The following CCP110 variants were observed in gnomAD, a reference collection of about 807,000 sequenced individuals.
CCP110 encodes centriolar coiled-coil protein 110.
A neutral mutation model predicts 105.5 loss-of-function variants in CCP110; 43 were observed. The observed-to-expected ratio is 0.41, with a 90% CI of 0.32 to 0.53. The LOEUF is 0.53. Ranked by LOEUF, CCP110 falls within the 20% of genes least tolerant of loss-of-function variation. The pLI is 0.32. For synonymous variants in CCP110, 353 were observed against 392.1 expected (o/e 0.90, Z 1.18); for missense variants, 1,016 against 1,189.1 (o/e 0.85, Z 2.14).
At chr16:19,544,354 T>C (rs953804071) in intron 8 of CCP110, among the ~76,000 whole-genome samples, 1 of 152,202 alleles carries the variant, frequency 6.6e-6, no homozygotes, top group African/African-American at 2.4e-5. Context: ...AATAGTTTTA[T>C]TTATGTTCTT....
intron 2 of CCP110, 137 bp downstream of exon 2, chr16:19,528,159 A>AT: frequency 1.0e-5 from 7 of 687,640 alleles, no homozygotes; most frequent in Non-Finnish European, 1.6e-5. Context: ...ATGAATTAGC[A>AT]TTTTTTACTT....
In CCP110 at chr16:19,545,809, T is replaced by C. The variant is rs1447201240; in HGVS notation, c.2704-8T>C. The C allele has an allele frequency of 1.3e-6, 2 of 1,552,182 alleles. No individual in the cohort carries two copies. The highest frequency in any genetic ancestry group is 1.8e-6 in the Non-Finnish European group (2 of 1,125,216). On this transcript the variant is annotated splice_region_variant and splice_polypyrimidine_tract_variant and intron_variant, in intron 10 of 14. Transcript: ENST00000381396. ...AGTAGAGTTTGACGTTACTTTTGTA[T>C]ATTAAAGGATAAAATGAAAAGTCCA...
At chr16:19,546,331 C>A in intron 11 of CCP110, 81 bp from the exon 12 acceptor site, 1 of 798,066 alleles carries the variant, frequency 1.3e-6, no homozygotes, top group East Asian at 2.5e-5. Context: ...TGATTTGTTT[C>A]TGTCATCCTG....
intron 3 of CCP110, among the ~76,000 whole-genome samples, chr16:19,533,837 T>C (rs540256006): frequency 6.6e-6 from 1 of 152,310 alleles, no homozygotes; most frequent in Admixed American, 6.5e-5. Flanking sequence ...GCCTTCTATT[T>C]TGCAGCTATC....
At chr16:19,536,660 C>T (rs1241985570) in exon 4 of CCP110, 3 of 1,614,150 alleles carry the variant, frequency 1.9e-6, no homozygotes, top group Non-Finnish European at 2.5e-6. Flanking sequence ...ACGAACTGGC[C>T]ATCCCACTGT....
chr16:19,545,233 A>G, intron 10 of CCP110, 23 bp downstream of exon 10: 2 of 1,365,620 alleles, frequency 1.5e-6, no homozygotes, highest in South Asian at 2.4e-5. Flanking sequence ...ATTTCTAATG[A>G]ATAGAGTTCT....
chr16:19,537,576 C>T (rs1404540801), exon 4 of CCP110: 31 of 1,558,246 alleles, frequency 2.0e-5, no homozygotes, highest in Non-Finnish European at 2.3e-5. Context: ...ATGTTAGGAA[C>T]TAGTTCCAAA....
rs1970627315 is a variant in CCP110, at chr16:19,551,186, C to CT, written c.2987-9dup. On this transcript the variant is annotated splice_polypyrimidine_tract_variant and intron_variant, in intron 14 of 14. Transcript: ENST00000381396. The stretch of plus-strand genomic sequence containing the variant: ...ATTGAGAAGTAATACTGGTTTTGCT[C>CT]TATTTTTAGGAGTATATGCAGGAAA... 1.9e-6 allele frequency: 3 copies of CT among 1,591,116 alleles called. No individual in the cohort carries two copies. Among genetic ancestry groups the CT allele is most frequent in the African/African-American group, 2.7e-5 (2 of 74,610 alleles).
intron 12 of CCP110, 94 bp from the exon 13 acceptor site, chr16:19,547,861 T>C: frequency 1.1e-6 from 1 of 871,264 alleles, no homozygotes; most frequent in Non-Finnish European, 2.0e-6. Context: ...AGTTGACCTT[T>C]ACCTTACAGT....
At chr16:19,540,853 G>T in intron 5 of CCP110, 66 bp downstream of exon 5, 2 of 1,490,286 alleles carry the variant, frequency 1.3e-6, no homozygotes, top group South Asian at 1.2e-5. Context: ...ATGAATTTTG[G>T]TCATGTATAG....
intron 3 of CCP110, among the ~76,000 whole-genome samples, chr16:19,533,775 A>G (rs1380669014): frequency 6.6e-6 from 1 of 152,168 alleles, no homozygotes; most frequent in African/African-American, 2.4e-5. Context: ...GGGGCCTACG[A>G]GGAATTTCCT....
intron 1 of CCP110, 32 bp downstream of exon 1, chr16:19,524,120 A>C (rs1386380706): frequency 6.5e-6 from 1 of 153,134 alleles, no homozygotes; most frequent in African/African-American, 2.4e-5. Context: ...TTGAGCCTTG[A>C]CGGGTCCGGG....
At chr16:19,524,426 G>A (rs1597244069) in intron 1 of CCP110, among the ~76,000 whole-genome samples, 1 of 152,150 alleles carries the variant, frequency 6.6e-6, no homozygotes, top group South Asian at 2.1e-4. Flanking sequence ...GAACCCCATC[G>A]TGGTGATCAA....
chr16:19,537,171 T>C, exon 4 of CCP110: 3 of 1,614,208 alleles, frequency 1.9e-6, no homozygotes, highest in Non-Finnish European at 2.5e-6. Flanking sequence ...TGTGCTGCGA[T>C]GCCAAAGCTG....
intron 11 of CCP110, chr16:19,546,112 T>G: frequency 3.7e-6 from 2 of 536,124 alleles, no homozygotes. Flanking sequence ...TCAACTCATA[T>G]AACTGATAGC....
exon 4 of CCP110, chr16:19,537,457 A>G (rs752264562): frequency 6.2e-7 from 1 of 1,612,964 alleles, no homozygotes; most frequent in East Asian, 2.2e-5. Context: ...ATGGTTTGCA[A>G]AAAGAAAACT....
At chr16:19,544,049 A>C (rs1970379216) in intron 8 of CCP110, among the ~76,000 whole-genome samples, 1 of 152,030 alleles carries the variant, frequency 6.6e-6, no homozygotes, top group Non-Finnish European at 1.5e-5. Context: ...TCCCCTTTTG[A>C]AATCCTTAAT....
chr16:19,547,546 A>G (rs1374279778), intron 12 of CCP110: 1 of 160,484 alleles, frequency 6.2e-6, no homozygotes, highest in African/African-American at 2.4e-5. Flanking sequence ...CCCATCTCAA[A>G]AAAATAAATA....
intron 8 of CCP110, 84 bp downstream of exon 8, chr16:19,543,078 AG>A (rs568376162): frequency 4.6e-5 from 37 of 796,096 alleles, no homozygotes; most frequent in African/African-American, 2.6e-4. Flanking sequence ...AGATTAGTTC[AG>A]AACTTAAACG....
Sources: allele counts gnomAD v4.1 joint callset (sites outside exome capture counted in the v4.1 genomes callset), GRCh38; gene constraint gnomAD v4.1.1; transcripts MANE v1.5; gene names NCBI Gene and HGNC (gene_info 2026-07-23, HGNC 2026-07-21).